Variants in SMAD3 observed in about 807,000 individuals in gnomAD.
The protein encoded by SMAD3 is SMAD family member 3, also known as MAD homolog 3.
Under a neutral mutation model 51.8 loss-of-function variants are expected in SMAD3, and 12 were observed. The observed-to-expected ratio is 0.23, with a 90% confidence interval of 0.15 to 0.38. SMAD3 has a LOEUF of 0.38. Ranked by LOEUF, SMAD3 falls within the 10% of genes least tolerant of loss-of-function variation. The probability of loss-of-function intolerance (pLI) is 1.00; values close to 1 mark genes in which losing one functional copy is unlikely to be tolerated. For missense variants in SMAD3, 294 were observed against 565.6 expected, an observed-to-expected ratio of 0.52 and a Z score of 4.87; for synonymous variants, 238 against 227.7, an observed-to-expected ratio of 1.05 and a Z score of -0.41.
chr15:67,187,250 C>T (rs1963245488), intron 7 of SMAD3, 115 bp from the exon 8 acceptor site: 1 of 1,241,350 alleles, frequency 8.1e-7, no homozygotes, highest in African/African-American at 1.5e-5. Flanking sequence ...CCATGTGTCC[C>T]TGGAGCTGTA....
chr15:67,153,320 C>T (rs933384726), intron 1 of SMAD3, among the ~76,000 whole-genome samples: 26 of 152,076 alleles, frequency 1.7e-4, no homozygotes, highest in Non-Finnish European at 2.8e-4. Context: ...TGTGAAACCC[C>T]GTCTCTACTA....
At chr15:67,163,823 C>A (rs1042635287) in intron 1 of SMAD3, among the ~76,000 whole-genome samples, 15 of 151,900 alleles carry the variant, frequency 9.9e-5, no homozygotes, top group African/African-American at 3.6e-4. Flanking sequence ...CCTGCAGTCC[C>A]AGCTACTTGG....
At chr15:67,121,148 CCCCCGCCCTGTCCTGGCT>C (rs1426235595) in intron 1 of SMAD3, among the ~76,000 whole-genome samples, 4 of 152,212 alleles carry the variant, frequency 2.6e-5, no homozygotes. Context: ...TTTCCTGCAG[CCCCCGCCCTGTCCTGGCT>C]GAGGGGTGGG....
chr15:67,125,270 G>T (rs11071937), intron 1 of SMAD3, among the ~76,000 whole-genome samples: 44,209 of 152,210 alleles, frequency 0.29, 6,825 homozygotes, highest in Middle Eastern at 0.38. Flanking sequence ...TGATCCACCC[G>T]CTTCTTTCTT....
rs964719315 is a variant in SMAD3, at chr15:67,192,371, C to G, written c.*1835C>G. 2 of 233,130 alleles carry G rather than the reference C, an allele frequency of 8.6e-6. No individual in the cohort carries two copies. Among genetic ancestry groups the G allele is most frequent in the Non-Finnish European group, 1.7e-5 (2 of 117,944 alleles). The allele number at this position is 233,130 out of a possible 1,614,324, so 14.4% of individuals were successfully genotyped here. A position where few individuals can be genotyped will look rare whatever the true frequency, so the allele number is the denominator to read the frequency against. ...GAGTCTTCTCGAAGGAGGGTTGACT[C>G]AGAACCCAGAGACAATACAAAACCC... On this transcript the variant is annotated 3_prime_UTR_variant, in exon 9 of 9. Transcript: ENST00000327367.
chr15:67,150,844 A>ATTTTT (rs1962117313), intron 1 of SMAD3, among the ~76,000 whole-genome samples: 1 of 15,266 alleles, frequency 6.6e-5, no homozygotes, highest in Non-Finnish European at 1.5e-4. Flanking sequence ...GCTATTTCTC[A>ATTTTT]GTCTTTTTTT....
intron 1 of SMAD3, among the ~76,000 whole-genome samples, chr15:67,086,303 CT>C (rs1288059640): frequency 1.3e-5 from 2 of 152,158 alleles, no homozygotes; most frequent in Non-Finnish European, 2.9e-5. Context: ...GTGTCCCTGT[CT>C]TTGGCTGAGA....
chr15:67,176,769 A>G (rs563209228), intron 5 of SMAD3, among the ~76,000 whole-genome samples: 37 of 152,320 alleles, frequency 2.4e-4, no homozygotes, highest in African/African-American at 8.7e-4. Flanking sequence ...TCTGGCCGAC[A>G]CCACACTGGT....
intron 1 of SMAD3, among the ~76,000 whole-genome samples, chr15:67,161,898 C>T (rs1447483581): frequency 6.6e-6 from 1 of 152,128 alleles, no homozygotes. Flanking sequence ...TCCTTTACCC[C>T]AGGTCTTATG....
chr15:67,156,314 CA>C (rs1962282248), intron 1 of SMAD3, among the ~76,000 whole-genome samples: 1 of 152,110 alleles, frequency 6.6e-6, no homozygotes, highest in South Asian at 2.1e-4. Flanking sequence ...GGGGCTACTT[CA>C]AAAAATGAAT....
chr15:67,181,511 C>T (rs1963060424), intron 6 of SMAD3, 58 bp downstream of exon 6: 1 of 1,386,242 alleles, frequency 7.2e-7, no homozygotes. Context: ...CTATCCCACC[C>T]CCAGCCCCAG....
At chr15:67,186,993 C>G (rs1284614193) in intron 7 of SMAD3, 2 of 462,216 alleles carry the variant, frequency 4.3e-6, no homozygotes, top group Non-Finnish European at 8.6e-6. Context: ...TCCCTTATCT[C>G]TCTGTCCCCT....
intron 1 of SMAD3, among the ~76,000 whole-genome samples, chr15:67,082,835 G>A (rs1194369810): frequency 6.6e-6 from 1 of 152,144 alleles, no homozygotes; most frequent in Non-Finnish European, 1.5e-5. Flanking sequence ...GGATAACTTG[G>A]AACCCCAGGG....
At chr15:67,121,067 G>A (rs1961248951) in intron 1 of SMAD3, among the ~76,000 whole-genome samples, 1 of 152,206 alleles carries the variant, frequency 6.6e-6, no homozygotes, top group Non-Finnish European at 1.5e-5. Context: ...GGCAGGGCAT[G>A]ATTGTATCTG....
intron 1 of SMAD3, among the ~76,000 whole-genome samples, chr15:67,101,609 C>A (rs1446082978): frequency 6.6e-6 from 1 of 152,040 alleles, no homozygotes; most frequent in Non-Finnish European, 1.5e-5. Flanking sequence ...CTGTGTAATC[C>A]CTAGGAGAAG....
chr15:67,150,936 A>G (rs1962123510), intron 1 of SMAD3, among the ~76,000 whole-genome samples: 1 of 134,876 alleles, frequency 7.4e-6, no homozygotes, highest in African/African-American at 2.8e-5. Context: ...GCTCACTGCA[A>G]CCTCCACCTC....
chr15:67,096,268 C>A (rs192350720), intron 1 of SMAD3, among the ~76,000 whole-genome samples: 2 of 152,290 alleles, frequency 1.3e-5, no homozygotes, highest in African/African-American at 4.8e-5. Context: ...CTTCCTTACT[C>A]CTCAGGCAGC....
In SMAD3 at chr15:67,066,317, A is replaced by G; in HGVS notation, c.163A>G (p.Ile55Val). The change falls in exon 1 of 9, where the codon ATC becomes GTC. Residue 55 changes from isoleucine (I) to valine (V), a missense_variant. Physicochemically the swap from Ile to Val is conservative, Grantham distance 29 (BLOSUM62 3). Around this residue, in one of 3 missense-constraint regions of SMAD3, gnomAD observed 147 missense variants for 260.9 expected, o/e 0.56. Transcript: ENST00000327367. ...GCAGCTGGACGAGCTGGAGAAGGCC[A>G]TCACCACGCAGAACGTCAACACCAA... is the stretch of plus-strand genomic sequence containing the variant. ...TGQLDELEKA[I>V]TTQNVNTKCI... is the part of the protein sequence containing the mutation. 1 of 1,613,550 alleles carries G rather than the reference A, an allele frequency of 6.2e-7. No homozygotes were observed. The highest frequency in any genetic ancestry group is 1.1e-5 in the South Asian group (1 of 91,058).
At chr15:67,110,190 C>T (rs62006018) in intron 1 of SMAD3, among the ~76,000 whole-genome samples, 78,422 of 152,026 alleles carry the variant, frequency 0.52, 23,201 homozygotes, top group Non-Finnish European at 0.68. Context: ...AATTAGGATA[C>T]TGGCTGTACC....
Sources: gnomAD v4.1 joint callset for allele counts (sites outside exome capture counted in the v4.1 genomes callset) on GRCh38, gnomAD v4.1.1 for gene constraint, gnomAD v4.1.1 regional missense constraint, MANE v1.5 for transcripts, NCBI Gene and HGNC (gene_info 2026-07-23, HGNC 2026-07-21) for gene names.